The following EARS2 variants were observed in gnomAD, a reference collection of about 807,000 sequenced individuals.
EARS2 encodes the protein nondiscriminating glutamyl-tRNA synthetase EARS2, mitochondrial.
In EARS2, 50 loss-of-function variants were observed where a neutral mutation model predicts 54.1. That is an observed-to-expected ratio of 0.92 (90% confidence interval 0.74 to 1.17). The LOEUF (loss-of-function observed/expected upper bound fraction) is 1.17, where lower values mean the gene tolerates loss of function less well. Ranked by LOEUF, EARS2 falls within the 50% of genes most tolerant of loss-of-function variation. The probability of loss-of-function intolerance (pLI) is 0.00; values close to 1 mark genes in which losing one functional copy is unlikely to be tolerated. For missense variants in EARS2, 673 were observed against 675.0 expected (o/e 1.00, Z 0.03); for synonymous variants, 298 against 281.0 (o/e 1.06, Z -0.61).
chr16:23,541,636 G>A (rs990930746), intron 3 of EARS2, among the ~76,000 whole-genome samples: 1 of 151,744 alleles, frequency 6.6e-6, no homozygotes, highest in African/African-American at 2.4e-5. Context: ...CTGGAGAGCA[G>A]AATTGAGTGG....
chr16:23,527,968 G>A (rs941021586), intron 7 of EARS2, among the ~76,000 whole-genome samples: 5 of 152,216 alleles, frequency 3.3e-5, no homozygotes, highest in Non-Finnish European at 7.3e-5. Flanking sequence ...TGGGCTTTGG[G>A]AGGTGAACAG....
chr16:23,527,775 G>C (rs2142162527), intron 7 of EARS2, among the ~76,000 whole-genome samples: 1 of 152,220 alleles, frequency 6.6e-6, no homozygotes, highest in East Asian at 1.9e-4. Flanking sequence ...GGATGGTCTT[G>C]ATCTCCTGAC....
intron 4 of EARS2, 74 bp from the exon 5 acceptor site, chr16:23,532,839 G>GA (rs1211713554): frequency 3.9e-5 from 43 of 1,096,240 alleles, no homozygotes; most frequent in Non-Finnish European, 5.4e-5. Context: ...TTTTTTTTAA[G>GA]AGACAGGATC....
chr16:23,542,504 C>T lies in EARS2; in HGVS notation c.485+2010G>A, dbSNP rs147318204. On this transcript the variant is annotated intron_variant, in intron 3 of 8. Transcript: ENST00000449606. ...CTAATTTTTGTATTTTTAGCAGAGA[C>T]GGGGTTTCACCACATTGGCCAGGCT... 8.0e-3 allele frequency among the ~76,000 whole-genome samples: 1,166 copies of T among 145,818 alleles called. 14 individuals carry two copies. The highest frequency in any genetic ancestry group is 0.028 in the African/African-American group (1,096 of 39,576).
At chr16:23,530,185 C>T (rs1053449518) in intron 5 of EARS2, among the ~76,000 whole-genome samples, 20 of 151,986 alleles carry the variant, frequency 1.3e-4, no homozygotes, top group African/African-American at 4.3e-4. Flanking sequence ...GAGTGCAGTA[C>T]CACGATCATG....
intron 3 of EARS2, among the ~76,000 whole-genome samples, chr16:23,543,989 A>G (rs901431022): frequency 9.2e-5 from 14 of 152,216 alleles, no homozygotes; most frequent in Non-Finnish European, 1.6e-4. Context: ...CTCATTATAT[A>G]TATGCAGATA....
chr16:23,535,659 T>C (rs1383062387), intron 3 of EARS2, among the ~76,000 whole-genome samples: 1 of 152,164 alleles, frequency 6.6e-6, no homozygotes, highest in African/African-American at 2.4e-5. Context: ...TGCAATCCTA[T>C]TGCTCCATGC....
At chr16:23,555,161 G>T (rs968035932) in intron 1 of EARS2, among the ~76,000 whole-genome samples, 4 of 152,156 alleles carry the variant, frequency 2.6e-5, no homozygotes, top group African/African-American at 9.7e-5. Context: ...TTTGACAAAT[G>T]GTGAAACTGA....
chr16:23,526,632 C>T (rs1009983934), intron 7 of EARS2, among the ~76,000 whole-genome samples: 1 of 152,132 alleles, frequency 6.6e-6, no homozygotes, highest in African/African-American at 2.4e-5. Context: ...AGAGAGACTT[C>T]TTTGGAGACG....
At chr16:23,544,008 T>C (rs998332884) in intron 3 of EARS2, among the ~76,000 whole-genome samples, 3 of 152,296 alleles carry the variant, frequency 2.0e-5, no homozygotes, top group South Asian at 4.1e-4. Context: ...TATTTCAATA[T>C]GCAAAAAATC....
chr16:23,540,376 C>T (rs755540382), intron 3 of EARS2, among the ~76,000 whole-genome samples: 1 of 152,142 alleles, frequency 6.6e-6, no homozygotes. Context: ...GCAATGTCAC[C>T]GTAAACGTCA....
At chr16:23,551,009 T>C (rs999572300) in intron 2 of EARS2, among the ~76,000 whole-genome samples, 1 of 152,166 alleles carries the variant, frequency 6.6e-6, no homozygotes, top group Admixed American at 6.5e-5. Flanking sequence ...CAAGATCAAC[T>C]TCAGAAGCTG....
chr16:23,524,705 G>A lies in EARS2; in HGVS notation c.1489-251C>T, dbSNP rs112422996. ...TCTATCACCCAGGCTGGAATACAAC[G>A]GTGCGATCTTGGCTCACTGCAACCT... On this transcript the variant is annotated intron_variant, in intron 8 of 8. Coordinates refer to ENST00000449606, the MANE Select transcript of EARS2 (RefSeq NM_001083614.2). Among the ~76,000 whole-genome samples, 285 of 148,140 alleles carry A rather than the reference G, an allele frequency of 1.9e-3. 2 individuals carry two copies. The highest frequency in any genetic ancestry group is 7.0e-3 in the African/African-American group (281 of 40,020).
chr16:23,548,445 C>A (rs746069694), intron 2 of EARS2, among the ~76,000 whole-genome samples: 1 of 152,016 alleles, frequency 6.6e-6, no homozygotes, highest in Non-Finnish European at 1.5e-5. Context: ...AGGAATTCCA[C>A]GAGGGTGGGA....
intron 4 of EARS2, among the ~76,000 whole-genome samples, chr16:23,534,069 A>AG (rs1359944347): frequency 4.2e-5 from 6 of 142,282 alleles, no homozygotes; most frequent in African/African-American, 1.5e-4. Flanking sequence ...AAAAAAAAAA[A>AG]GTTAAGAACC....
chr16:23,554,940 T>G (rs1965751998), intron 1 of EARS2, among the ~76,000 whole-genome samples: 1 of 152,264 alleles, frequency 6.6e-6, no homozygotes, highest in African/African-American at 2.4e-5. Flanking sequence ...TTTCAGCTAC[T>G]GTAATGATCT....
chr16:23,535,092 C>T lies in EARS2; in HGVS notation c.754G>A (p.Val252Ile), dbSNP rs377748234. The T allele has an allele frequency of 5.0e-6, 8 of 1,597,870 alleles. No individual in the cohort carries two copies. The highest frequency in any genetic ancestry group is 4.5e-5 in the South Asian group (4 of 89,448). ...SHVLRGSEWL[V>I]STAKHLLLYQ... ...AGGAGCAGGTGCTTGGCAGTGGAGA[C>T]GAGCCACTCAGAGCCTCGCAGCACG... Residue 252 changes from valine (V) to isoleucine (I), a missense_variant, in exon 4 of 9, where the codon GTC (valine) becomes ATC (isoleucine). Around this residue, in one of 3 missense-constraint regions of EARS2, gnomAD observed 338 missense variants for 361.2 expected, o/e 0.94. Coordinates refer to ENST00000449606, the MANE Select transcript of EARS2 (RefSeq NM_001083614.2).
chr16:23,553,284 T>A (rs1266991656), intron 1 of EARS2, among the ~76,000 whole-genome samples: 1 of 152,156 alleles, frequency 6.6e-6, no homozygotes, highest in Non-Finnish European at 1.5e-5. Flanking sequence ...GCTCCAATTT[T>A]CCCCAACTGC....
At chr16:23,534,672 G>A (rs1169619784) in intron 4 of EARS2, among the ~76,000 whole-genome samples, 2 of 152,162 alleles carry the variant, frequency 1.3e-5, no homozygotes, top group Non-Finnish European at 2.9e-5. Context: ...TCCCTTGAGG[G>A]CAGGGATCAT....
Sources: gnomAD v4.1 joint callset for allele counts (sites outside exome capture counted in the v4.1 genomes callset) on GRCh38, gnomAD v4.1.1 for gene constraint, gnomAD v4.1.1 regional missense constraint, MANE v1.5 for transcripts, NCBI Gene and HGNC (gene_info 2026-07-23, HGNC 2026-07-21) for gene names.